ZZZ3: variants seen among roughly 807,000 people sequenced by gnomAD.
The protein encoded by ZZZ3 is ZZ-type zinc finger-containing protein 3.
In ZZZ3, 22 loss-of-function variants were observed where a neutral mutation model predicts 95.2. The ratio of observed to expected loss-of-function variants is 0.23; its 90% CI spans 0.17 to 0.33. ZZZ3 has a LOEUF of 0.33. ZZZ3 is among the 10% of genes least tolerant of loss of function. The pLI, the probability that ZZZ3 is intolerant of heterozygous loss-of-function variation, is 1.00. For synonymous variants in ZZZ3, 335 were observed against 358.9 expected (o/e 0.93, Z 0.75); for missense variants, 885 against 1,066.5 (o/e 0.83, Z 2.37).
chr1:77,649,525 G>T (rs995029082), intron 1 of ZZZ3, among the ~76,000 whole-genome samples: 1 of 152,062 alleles, frequency 6.6e-6, no homozygotes, highest in African/African-American at 2.4e-5. Context: ...ACACTAGATG[G>T]AAGTCTAGAT....
At chr1:77,653,009 A>G (rs1669946097) in intron 1 of ZZZ3, among the ~76,000 whole-genome samples, 1 of 152,162 alleles carries the variant, frequency 6.6e-6, no homozygotes, top group Admixed American at 6.5e-5. Context: ...CAACATGGTA[A>G]GACCTTGTTT....
rs2100559226 is a variant in ZZZ3, at chr1:77,582,118, A to C, written c.1653T>G (p.Ile551Met). The C allele has an allele frequency of 6.2e-7, 1 of 1,601,022 alleles. No individual in the cohort carries two copies. The highest frequency in any genetic ancestry group is 1.7e-5 in the Admixed American group (1 of 57,150). The change falls in exon 7 of 15, where the codon ATT (isoleucine) becomes ATG (methionine). Residue 551 changes from isoleucine (I) to methionine (M), a missense_variant. Coordinates refer to ENST00000370801, the MANE Select transcript of ZZZ3 (RefSeq NM_015534.6). ...FVEKLQKKADIGLPYPQRVVQ... is the reference protein window; with the variant it reads ...FVEKLQKKADMGLPYPQRVVQ... Reference sequence around the variant, plus strand: ...CAACTCTCTGTGGATATGGAAGCCCAATATCAGCCTGGAGGCAGGGGAGAA... The same window carrying C: ...CAACTCTCTGTGGATATGGAAGCCCCATATCAGCCTGGAGGCAGGGGAGAA...
Position 77,632,365 on chromosome 1 carries a change from C to T in ZZZ3, c.990G>A (p.Gln330=), listed in dbSNP as rs145356995. The change falls in exon 5 of 15, where the codon CAG becomes CAA. Residue 330 remains glutamine, a synonymous_variant. Coordinates refer to ENST00000370801, the MANE Select transcript of ZZZ3 (RefSeq NM_015534.6). The part of the protein sequence containing the change: ...VVGDSSASKE[Q]CKENTNNELD... ...GTTCGTTATTGGTGTTTTCTTTACA[C>T]TGCTCTTTTGAGGCACTGCTATCTC... 1.7e-5 allele frequency: 28 copies of T among 1,614,176 alleles called. No homozygotes were observed. In the East Asian group the frequency reaches 5.6e-4, roughly 32 times the overall value.
At chr1:77,651,283 G>A (rs1669783283) in intron 1 of ZZZ3, among the ~76,000 whole-genome samples, 1 of 152,142 alleles carries the variant, frequency 6.6e-6, no homozygotes, top group South Asian at 2.1e-4. Flanking sequence ...TACTTGGGAG[G>A]CTGAGGTGGG....
At chr1:77,683,061 C>A (rs1672950383), upstream of ZZZ3, among the ~76,000 whole-genome samples, 1 of 120,366 alleles carries the variant, frequency 8.3e-6, no homozygotes, top group African/African-American at 3.1e-5. Context: ...CGCACACGTG[C>A]GCGCGCACCC....
chr1:77,568,831 C>A (rs143643879), intron 12 of ZZZ3, among the ~76,000 whole-genome samples: 1 of 152,154 alleles, frequency 6.6e-6, no homozygotes, highest in African/African-American at 2.4e-5. Flanking sequence ...TAAGGAAGTT[C>A]CTCTTCTCCA....
chr1:77,675,176 C>G (rs1672147539), intron 1 of ZZZ3, among the ~76,000 whole-genome samples: 1 of 152,076 alleles, frequency 6.6e-6, no homozygotes, highest in Non-Finnish European at 1.5e-5. Flanking sequence ...CTCACACACA[C>G]CCCTTTGCCA....
intron 7 of ZZZ3, 21 bp from the exon 8 acceptor site, chr1:77,581,912 C>G (rs749313052): frequency 6.2e-7 from 1 of 1,608,184 alleles, no homozygotes; most frequent in South Asian, 1.1e-5. Context: ...AGACCACATA[C>G]AGAACTGTTA....
At position 77,633,253 on chromosome 1, in the gene ZZZ3, C is replaced by A; in HGVS notation, c.102G>T (p.Ala34=). The change falls in exon 5 of 15, where the codon GCG becomes GCT. Residue 34 remains alanine (A), a synonymous_variant. Coordinates refer to ENST00000370801, the MANE Select transcript of ZZZ3 (RefSeq NM_015534.6). ...CGRTLRNRSI[A]HPEEISSNSQ... ...AATTAGAAGAGATTTCTTCAGGATGCGCAATGCTACGATTCCTTAAAGTTC... is the reference window on the plus strand; with the variant it reads ...AATTAGAAGAGATTTCTTCAGGATGAGCAATGCTACGATTCCTTAAAGTTC... The A allele has an allele frequency of 6.2e-7, 1 of 1,614,026 alleles. No individual in the cohort carries two copies. Among genetic ancestry groups the A allele is most frequent in the Non-Finnish European group, 8.5e-7 (1 of 1,179,966 alleles).
intron 5 of ZZZ3, among the ~76,000 whole-genome samples, chr1:77,596,894 T>G (rs1296240027): frequency 2.0e-5 from 3 of 152,092 alleles, no homozygotes. Flanking sequence ...GAACTCAGGT[T>G]TAGCTCAGTT....
chr1:77,683,015 C>T (rs1012250092), upstream of ZZZ3, among the ~76,000 whole-genome samples: 47 of 151,964 alleles, frequency 3.1e-4, no homozygotes, highest in Non-Finnish European at 6.5e-4. Context: ...CTCCCGACGC[C>T]CTCCCAAAAG....
At chr1:77,668,216 T>C (rs1671424852) in intron 1 of ZZZ3, among the ~76,000 whole-genome samples, 1 of 152,236 alleles carries the variant, frequency 6.6e-6, no homozygotes, top group African/African-American at 2.4e-5. Context: ...CCTATCAGTA[T>C]TGATTGCTTA....
intron 1 of ZZZ3, among the ~76,000 whole-genome samples, chr1:77,675,945 C>T (rs1672227914): frequency 1.3e-5 from 2 of 152,182 alleles, no homozygotes; most frequent in Admixed American, 6.5e-5. Flanking sequence ...ATATTGCTAT[C>T]TCAACATTTG....
intron 5 of ZZZ3, among the ~76,000 whole-genome samples, chr1:77,595,755 GA>G (rs1370381218): frequency 6.6e-6 from 1 of 151,976 alleles, no homozygotes; most frequent in Non-Finnish European, 1.5e-5. Context: ...GGAGAGAGAT[GA>G]AAATGGCAAA....
In ZZZ3 at chr1:77,613,172, T is replaced by A. The variant is rs190486165; in HGVS notation, c.1505+18678A>T. 6.1e-4 allele frequency among the ~76,000 whole-genome samples: 93 copies of A among 152,226 alleles called. 1 individual carries two copies. Among genetic ancestry groups the A allele is most frequent in the Admixed American group, 1.4e-3 (21 of 15,296 alleles). ...TAAATCATTTAAGACATCATATAGA[T>A]GTTGGTAACTTCTTCATGGATTATT... On this transcript the variant is annotated intron_variant, in intron 5 of 14. Transcript: ENST00000370801.
intron 5 of ZZZ3, among the ~76,000 whole-genome samples, chr1:77,589,389 G>C (rs1247124218): frequency 6.6e-6 from 1 of 151,544 alleles, no homozygotes; most frequent in Non-Finnish European, 1.5e-5. Context: ...AGAACATCAA[G>C]GAATTAGCAA....
intron 13 of ZZZ3, among the ~76,000 whole-genome samples, chr1:77,567,398 A>G (rs891982375): frequency 6.6e-6 from 1 of 152,214 alleles, no homozygotes; most frequent in African/African-American, 2.4e-5. Flanking sequence ...AAAGCTGGTC[A>G]GTTCCAAACC....
intron 5 of ZZZ3, among the ~76,000 whole-genome samples, chr1:77,604,354 TAAG>T (rs1429323458): frequency 1.3e-5 from 2 of 152,186 alleles, no homozygotes; most frequent in Admixed American, 6.5e-5. Context: ...ATAGATTCAT[TAAG>T]AATTACTAGT....
At chr1:77,662,202 C>T (rs916381482) in intron 1 of ZZZ3, among the ~76,000 whole-genome samples, 6 of 151,940 alleles carry the variant, frequency 3.9e-5, no homozygotes, top group South Asian at 2.1e-4. Flanking sequence ...TTAGTAGAGA[C>T]GGGGTCTCAC....
Sources: allele counts gnomAD v4.1 joint callset (sites outside exome capture counted in the v4.1 genomes callset), GRCh38; gene constraint gnomAD v4.1.1; transcripts MANE v1.5; gene names NCBI Gene and HGNC (gene_info 2026-07-23, HGNC 2026-07-21).